Variants in REPS1 observed in about 807,000 individuals in gnomAD.
The protein encoded by REPS1 is ralBP1-associated Eps domain-containing protein 1.
Under a neutral mutation model 100.9 loss-of-function variants are expected in REPS1, and 39 were observed. That is an observed-to-expected ratio of 0.39 (90% confidence interval 0.30 to 0.50). The LOEUF is 0.50. REPS1 is among the 20% of genes least tolerant of loss of function. The pLI is 0.86. For missense variants in REPS1, 821 were observed against 968.5 expected, an observed-to-expected ratio of 0.85 and a Z score of 2.02; for synonymous variants, 324 against 340.3, an observed-to-expected ratio of 0.95 and a Z score of 0.53.
intron 4 of REPS1, 146 bp downstream of exon 4, chr6:138,945,073 C>CA (rs1476788224): frequency 1.6e-6 from 1 of 610,102 alleles, no homozygotes; most frequent in East Asian, 3.2e-5. Flanking sequence ...TTGTTACTTT[C>CA]AAAAAATCTC....
chr6:138,937,046 G>A (rs1781893997), intron 8 of REPS1, among the ~76,000 whole-genome samples: 2 of 152,154 alleles, frequency 1.3e-5, no homozygotes, highest in Non-Finnish European at 2.9e-5. Flanking sequence ...CATGGTGGAA[G>A]GCAAGGAGGA....
intron 15 of REPS1, among the ~76,000 whole-genome samples, chr6:138,914,155 G>C (rs962463711): frequency 4.6e-5 from 7 of 152,090 alleles, no homozygotes; most frequent in Admixed American, 3.3e-4. Flanking sequence ...CTGCAGCCTT[G>C]ATCTCCCAGG....
intron 9 of REPS1, chr6:138,926,728 TAA>T (rs1015781216): frequency 5.0e-6 from 2 of 402,788 alleles, no homozygotes; most frequent in Non-Finnish European, 9.1e-6. Flanking sequence ...GGAAGAGATT[TAA>T]AGCCTTACAG....
At chr6:138,970,593 C>T (rs1784290076) in intron 1 of REPS1, among the ~76,000 whole-genome samples, 1 of 152,052 alleles carries the variant, frequency 6.6e-6, no homozygotes, top group Non-Finnish European at 1.5e-5. Flanking sequence ...ACCAGCCTGG[C>T]CAACATGGCG....
intron 8 of REPS1, among the ~76,000 whole-genome samples, chr6:138,940,667 AC>A (rs1425266512): frequency 1.3e-5 from 2 of 151,330 alleles, no homozygotes; most frequent in African/African-American, 4.9e-5. Context: ...AATCGCTTGA[AC>A]CCGGGAGGTG....
chr6:138,964,407 TAAGA>T (rs1247118739), intron 1 of REPS1, among the ~76,000 whole-genome samples: 2 of 152,198 alleles, frequency 1.3e-5, no homozygotes, highest in East Asian at 3.9e-4. Flanking sequence ...ACTTGAAAAA[TAAGA>T]AATATATAAA....
intron 1 of REPS1, among the ~76,000 whole-genome samples, chr6:138,957,866 T>C (rs773998439): frequency 3.9e-5 from 6 of 152,220 alleles, no homozygotes; most frequent in Non-Finnish European, 8.8e-5. Context: ...TTTGGTTCAT[T>C]TTCAACTTTT....
intron 7 of REPS1, 25 bp from the exon 8 acceptor site, chr6:138,941,514 A>G (rs978028404): frequency 6.2e-7 from 1 of 1,600,236 alleles, no homozygotes; most frequent in Non-Finnish European, 8.5e-7. Flanking sequence ...TATTGTGAAT[A>G]TAATCACATT....
At chr6:138,936,289 C>T (rs904581024) in intron 8 of REPS1, among the ~76,000 whole-genome samples, 1 of 151,990 alleles carries the variant, frequency 6.6e-6, no homozygotes, top group Non-Finnish European at 1.5e-5. Flanking sequence ...AACTCCTAGC[C>T]TCAAGTGATC....
rs534048964 is a variant in REPS1, at chr6:138,980,293, C to A, written c.153+7237G>T. ...TCTGCTTCCACTTGCCCCCAGTATT[C>A]TTTTTGCTCATACAGCAGTCAGCAT... On this transcript the variant is annotated intron_variant, in intron 1 of 19. Coordinates refer to ENST00000450536, the MANE Select transcript of REPS1 (RefSeq NM_001286611.2). 1.4e-4 allele frequency among the ~76,000 whole-genome samples: 22 copies of A among 152,264 alleles called. No homozygotes were observed. The South Asian group carries it at 4.6e-3, about 32-fold the overall frequency.
At chr6:138,917,821 T>C (rs1473808691) in intron 12 of REPS1, among the ~76,000 whole-genome samples, 194 bp from the exon 13 acceptor site, 1 of 152,160 alleles carries the variant, frequency 6.6e-6, no homozygotes, top group Non-Finnish European at 1.5e-5. Flanking sequence ...ATTTACACAG[T>C]AGACAAAGCA....
chr6:138,907,803 T>G (rs551442458), intron 18 of REPS1, among the ~76,000 whole-genome samples: 1 of 151,982 alleles, frequency 6.6e-6, no homozygotes, highest in Non-Finnish European at 1.5e-5. Context: ...AAAAAGAAAT[T>G]ATTAAAAAAA....
chr6:138,924,009 G>A (rs1288349227), intron 10 of REPS1, among the ~76,000 whole-genome samples: 1 of 152,134 alleles, frequency 6.6e-6, no homozygotes, highest in Non-Finnish European at 1.5e-5. Context: ...AAAGGATCAT[G>A]TGGGATTGTG....
chr6:138,918,420 C>G (rs958656655), intron 12 of REPS1, among the ~76,000 whole-genome samples: 1 of 152,082 alleles, frequency 6.6e-6, no homozygotes, highest in Non-Finnish European at 1.5e-5. Flanking sequence ...AACCAATTCC[C>G]TAAACATATT....
chr6:138,956,733 T>C (rs1044464036), intron 1 of REPS1, among the ~76,000 whole-genome samples: 14 of 151,862 alleles, frequency 9.2e-5, no homozygotes, highest in Non-Finnish European at 7.4e-5. Flanking sequence ...CATCCTTAAA[T>C]ATGAACAGCT....
intron 9 of REPS1, chr6:138,928,974 A>T (rs1781320788): frequency 6.6e-6 from 1 of 152,152 alleles, no homozygotes; most frequent in African/African-American, 2.4e-5. Context: ...ATAAAGCAGG[A>T]AATAGTATAA....
In REPS1 at chr6:138,921,823, G is replaced by A. The variant is rs371951747; in HGVS notation, c.1339-699C>T. ...GAACTCCTGACCTTGTGATCCGCCC[G>A]CCTCGGCCTACAAAGTGCTGGGATT... On this transcript the variant is annotated intron_variant, in intron 10 of 19. Coordinates refer to ENST00000450536, the MANE Select transcript of REPS1 (RefSeq NM_001286611.2). 2.8e-4 allele frequency among the ~76,000 whole-genome samples: 42 copies of A among 151,890 alleles called. No individual in the cohort carries two copies. In the East Asian group the frequency reaches 4.9e-3, roughly 18 times the overall value.
chr6:138,957,037 T>C (rs1380507573), intron 1 of REPS1, among the ~76,000 whole-genome samples: 1 of 132,410 alleles, frequency 7.6e-6, no homozygotes, highest in Non-Finnish European at 1.6e-5. Flanking sequence ...ATTAGAAAAA[T>C]ACAAAAAAAA....
intron 1 of REPS1, among the ~76,000 whole-genome samples, chr6:138,979,180 C>CAAAAAAA (rs568626153): frequency 0.011 from 661 of 59,252 alleles, 44 homozygotes; most frequent in Non-Finnish European, 0.016. Flanking sequence ...GAATCCATCA[C>CAAAAAAA]AAAAAAAAAA....
Sources: gnomAD v4.1 joint callset for allele counts (sites outside exome capture counted in the v4.1 genomes callset) on GRCh38, gnomAD v4.1.1 for gene constraint, MANE v1.5 for transcripts, NCBI Gene and HGNC (gene_info 2026-07-23, HGNC 2026-07-21) for gene names.